The following GXYLT1 variants were observed in gnomAD, a reference collection of about 807,000 sequenced individuals.
The protein encoded by GXYLT1 is glycosyltransferase 8 domain containing 3.
In GXYLT1, 29 loss-of-function variants were observed where a neutral mutation model predicts 54.0. The observed-to-expected ratio is 0.54, with a 90% CI of 0.40 to 0.73. GXYLT1 has a LOEUF of 0.73. Ranked by LOEUF, GXYLT1 falls within the 30% of genes least tolerant of loss-of-function variation. The probability of loss-of-function intolerance (pLI) is 0.00; values close to 1 mark genes in which losing one functional copy is unlikely to be tolerated. For synonymous variants in GXYLT1, 176 were observed against 204.1 expected (o/e 0.86, Z 1.17); for missense variants, 490 against 553.4 (o/e 0.89, Z 1.15).
chr12:42,144,051 A>G (rs1565584512), intron 1 of GXYLT1, among the ~76,000 whole-genome samples: 1 of 152,200 alleles, frequency 6.6e-6, no homozygotes, highest in African/African-American at 2.4e-5. Flanking sequence ...CGCCAGCCTC[A>G]TGTTTAAATA....
intron 3 of GXYLT1, among the ~76,000 whole-genome samples, chr12:42,117,820 G>A (rs191522014): frequency 6.6e-6 from 1 of 152,308 alleles, no homozygotes; most frequent in East Asian, 1.9e-4. Flanking sequence ...CCTGATTAAA[G>A]AGTATATATT....
chr12:42,094,183 A>C (rs1322227136), intron 7 of GXYLT1, among the ~76,000 whole-genome samples: 6 of 151,894 alleles, frequency 4.0e-5, no homozygotes, highest in Non-Finnish European at 8.8e-5. Context: ...GCAAAACCTC[A>C]TCTCTATAAA....
intron 1 of GXYLT1, among the ~76,000 whole-genome samples, chr12:42,137,761 T>G (rs1353539141): frequency 2.1e-4 from 2 of 9,666 alleles, no homozygotes; most frequent in African/African-American, 1.3e-3. Context: ...CATCTCAAAT[T>G]GAAAAAAAAA....
At chr12:42,106,173 A>G in intron 4 of GXYLT1, 104 bp from the exon 5 acceptor site, 1 of 707,032 alleles carries the variant, frequency 1.4e-6, no homozygotes, top group Admixed American at 3.2e-5. Context: ...TAGCTAATTT[A>G]TATTATTTTA....
At chr12:42,121,142 A>C (rs1388310918) in intron 2 of GXYLT1, among the ~76,000 whole-genome samples, 1 of 152,226 alleles carries the variant, frequency 6.6e-6, no homozygotes, top group East Asian at 1.9e-4. Flanking sequence ...AACTGCCTCC[A>C]GATCCTACTT....
rs2065296321 is a variant in GXYLT1 at position 42,086,808 on chromosome 12, AGG to A, written c.*976_*977del. On this transcript the variant is annotated 3_prime_UTR_variant, in exon 8 of 8. Transcript: ENST00000398675. ...AAAAGTATCTTGCAAGGCCGTTATG[AGG>A]TAGAAGACAAGTTTAAATGGACCAT... 1 of 152,180 alleles carries A rather than the reference AGG, an allele frequency of 6.6e-6. No homozygotes were observed. Among genetic ancestry groups the A allele is most frequent in the Non-Finnish European group, 1.5e-5 (1 of 68,018 alleles). 9.4% of individuals were successfully genotyped at this position (152,180 alleles called of 1,614,324 possible).
In GXYLT1 at chr12:42,085,383, C is replaced by G. The variant is rs1466816592; in HGVS notation, c.*2403G>C. On this transcript the variant is annotated 3_prime_UTR_variant, in exon 8 of 8. Coordinates refer to ENST00000398675, the MANE Select transcript of GXYLT1 (RefSeq NM_173601.2). ...TGGATTAAACTGTGACCACGCTCTA[C>G]ACAAGTCCCAATCAATTAGAGCCCA... The G allele has an allele frequency of 6.6e-6, 1 of 152,286 alleles. No individual in the cohort carries two copies. Among genetic ancestry groups the G allele is most frequent in the Non-Finnish European group, 1.5e-5 (1 of 68,062 alleles). The allele number at this position is 152,286 out of a possible 1,614,324, so 9.4% of individuals were successfully genotyped here.
intron 1 of GXYLT1, among the ~76,000 whole-genome samples, chr12:42,132,479 A>C (rs1219109198): frequency 6.6e-6 from 1 of 152,216 alleles, no homozygotes; most frequent in Non-Finnish European, 1.5e-5. Flanking sequence ...CCGTTTAGAA[A>C]ATTTTTTAAA....
chr12:42,092,648 T>A (rs527324563), intron 7 of GXYLT1, among the ~76,000 whole-genome samples: 11 of 152,082 alleles, frequency 7.2e-5, no homozygotes, highest in Non-Finnish European at 1.5e-4. Flanking sequence ...TTTTCCAAAC[T>A]CATTATAAAG....
At chr12:42,113,090 T>C (rs541694453) in intron 3 of GXYLT1, among the ~76,000 whole-genome samples, 9 of 151,052 alleles carry the variant, frequency 6.0e-5, no homozygotes, top group African/African-American at 1.7e-4. Context: ...CTGAGAGATT[T>C]TGTCACCACC....
intron 7 of GXYLT1, among the ~76,000 whole-genome samples, chr12:42,092,729 T>G (rs1292688095): frequency 6.6e-6 from 1 of 152,160 alleles, no homozygotes; most frequent in African/African-American, 2.4e-5. Flanking sequence ...AAACTTAAGT[T>G]ATATTCAAAA....
chr12:42,119,033 A>G lies in GXYLT1; in HGVS notation c.453T>C (p.Ala151=). The change falls in exon 3 of 8, where the codon GCT becomes GCC. Residue 151 remains alanine, a synonymous_variant. Coordinates refer to ENST00000398675, the MANE Select transcript of GXYLT1 (RefSeq NM_173601.2). ...TAAAGCTATGATGTAGCTGATCTTCAGCAAAAATATGGAATTGAAGAGGTT... is the reference window on the plus strand; with the variant it reads ...TAAAGCTATGATGTAGCTGATCTTCGGCAAAAATATGGAATTGAAGAGGTT... ...SIKPLQFHIF[A]EDQLHHSFKG... is the part of the protein sequence containing the mutation. The G allele has an allele frequency of 6.2e-7, 1 of 1,614,134 alleles. No individual in the cohort carries two copies. Among genetic ancestry groups the G allele is most frequent in the Non-Finnish European group, 8.5e-7 (1 of 1,179,952 alleles).
chr12:42,130,389 C>A (rs2065587188), intron 1 of GXYLT1, among the ~76,000 whole-genome samples: 1 of 152,046 alleles, frequency 6.6e-6, no homozygotes, highest in Non-Finnish European at 1.5e-5. Context: ...TATCACTAAT[C>A]ATCAGGGAAA....
At chr12:42,144,366 C>T (rs1236011032) in intron 1 of GXYLT1, 60 bp downstream of exon 1, 38 of 1,187,058 alleles carry the variant, frequency 3.2e-5, no homozygotes, top group Non-Finnish European at 4.1e-5. Context: ...CCGGGCTAGG[C>T]CGAGCCCGCG....
intron 3 of GXYLT1, among the ~76,000 whole-genome samples, chr12:42,114,137 G>C (rs1174024666): frequency 6.6e-6 from 1 of 152,210 alleles, no homozygotes; most frequent in Non-Finnish European, 1.5e-5. Flanking sequence ...GCAGTGTGTA[G>C]AGGGAAATTT....
chr12:42,122,356 G>A (rs1428590594), intron 2 of GXYLT1, among the ~76,000 whole-genome samples: 1 of 152,202 alleles, frequency 6.6e-6, no homozygotes, highest in Non-Finnish European at 1.5e-5. Context: ...TTGGGAGGCC[G>A]AGGTGGGTGA....
intron 1 of GXYLT1, among the ~76,000 whole-genome samples, chr12:42,130,688 C>A (rs1280447877): frequency 6.6e-6 from 1 of 152,134 alleles, no homozygotes; most frequent in Non-Finnish European, 1.5e-5. Flanking sequence ...CAGTGGCTCA[C>A]ATCTATAATC....
At chr12:42,143,929 GGCTAATACTTA>G (rs1158131285) in intron 1 of GXYLT1, among the ~76,000 whole-genome samples, 1 of 151,946 alleles carries the variant, frequency 6.6e-6, no homozygotes, top group Non-Finnish European at 1.5e-5. Context: ...AACTAACCAT[GGCTAATACTTA>G]GAAGTGTAAG....
At chr12:42,126,335 A>G (rs1400596829) in intron 2 of GXYLT1, among the ~76,000 whole-genome samples, 1 of 152,070 alleles carries the variant, frequency 6.6e-6, no homozygotes, top group Non-Finnish European at 1.5e-5. Flanking sequence ...TTGGCCTCCT[A>G]AAGTGCTGGG....
Sources: gnomAD v4.1 joint callset for allele counts (sites outside exome capture counted in the v4.1 genomes callset) on GRCh38, gnomAD v4.1.1 for gene constraint, MANE v1.5 for transcripts, NCBI Gene and HGNC (gene_info 2026-07-23, HGNC 2026-07-21) for gene names.